MTIF3: variants seen among roughly 807,000 people sequenced by gnomAD.
MTIF3 encodes the protein translation initiation factor IF-3, mitochondrial.
Under a neutral mutation model 20.7 loss-of-function variants are expected in MTIF3, and 13 were observed. The ratio of observed to expected loss-of-function variants is 0.63; its 90% CI spans 0.41 to 1.00. The LOEUF (loss-of-function observed/expected upper bound fraction) is 1.00, where lower values mean the gene tolerates loss of function less well. MTIF3 is among the 50% of genes least tolerant of loss of function. The pLI is 0.00. For missense variants in MTIF3, 295 were observed against 324.5 expected (o/e 0.91, Z 0.70); for synonymous variants, 114 against 112.5 (o/e 1.01, Z -0.08).
intron 1 of MTIF3, among the ~76,000 whole-genome samples, chr13:27,447,809 G>A (rs772560207): frequency 3.9e-5 from 6 of 152,130 alleles, no homozygotes; most frequent in Non-Finnish European, 7.3e-5. Context: ...AGCATGTTTC[G>A]AGATTCATTC....
chr13:27,448,068 G>T (rs985878679), intron 1 of MTIF3, among the ~76,000 whole-genome samples: 9 of 130,780 alleles, frequency 6.9e-5, no homozygotes, highest in African/African-American at 2.6e-4. Flanking sequence ...CATTCTACCG[G>T]AAGTACTGAT....
intron 2 of MTIF3, among the ~76,000 whole-genome samples, chr13:27,441,928 C>CA (rs1376323369): frequency 1.3e-5 from 2 of 152,028 alleles, no homozygotes; most frequent in South Asian, 4.1e-4. Flanking sequence ...GAGTGATATG[C>CA]AAAAAAATAT....
intron 2 of MTIF3, among the ~76,000 whole-genome samples, chr13:27,444,290 G>A (rs1436851057): frequency 6.6e-6 from 1 of 151,704 alleles, no homozygotes; most frequent in Non-Finnish European, 1.5e-5. Context: ...GGGCGACAGA[G>A]CGAGACTCTG....
At chr13:27,436,788 G>GGC in intron 4 of MTIF3, among the ~76,000 whole-genome samples, 1 of 114,420 alleles carries the variant, frequency 8.7e-6, no homozygotes, top group South Asian at 2.8e-4. Context: ...GTCTTGCTCT[G>GGC]TCACCCAGGC....
In MTIF3 at chr13:27,437,218, C is replaced by T; in HGVS notation, c.516G>A (p.Leu172=). 1 of 1,613,790 alleles carries T rather than the reference C, an allele frequency of 6.2e-7. No homozygotes were observed. Among genetic ancestry groups the T allele is most frequent in the African/African-American group, 1.3e-5 (1 of 74,964 alleles). The stretch of plus-strand genomic sequence containing the variant: ...GCTGAATCTGTTTAGTCTTTGTGTC[C>T]AAATCATGTTGTCCAATATTTGAAG... ...ILSSNIGQHD[L]DTKTKQIQQW... is the part of the protein sequence containing the mutation. The change falls in exon 4 of 5, where the codon TTG becomes TTA. Residue 172 remains leucine, a synonymous_variant. Coordinates refer to ENST00000381120, the MANE Select transcript of MTIF3 (RefSeq NM_152912.5).
At position 27,437,096 on chromosome 13, in the gene MTIF3, C is replaced by T. The variant is rs1337898074; in HGVS notation, c.618+20G>A. 1 of 1,611,502 alleles carries T rather than the reference C, an allele frequency of 6.2e-7. No homozygotes were observed. The highest frequency in any genetic ancestry group is 8.5e-7 in the Non-Finnish European group (1 of 1,178,802). ...AGAAGACCCAAAGCACAAGCAGTGG[C>T]TTGTACCTTCTTTACTTACCATTTC... On this transcript the variant is annotated intron_variant, in intron 4 of 4. Transcript: ENST00000381120.
At chr13:27,443,715 T>A (rs1035611048) in intron 2 of MTIF3, among the ~76,000 whole-genome samples, 6 of 152,060 alleles carry the variant, frequency 3.9e-5, no homozygotes, top group African/African-American at 1.4e-4. Context: ...TATCAACATA[T>A]TAAAATATAA....
At chr13:27,437,364 GC>G in intron 3 of MTIF3, 91 bp from the exon 4 acceptor site, 1 of 1,160,504 alleles carries the variant, frequency 8.6e-7, no homozygotes, top group Non-Finnish European at 1.2e-6. Flanking sequence ...ATCCTAGGTT[GC>G]CACCTGACAA....
At chr13:27,442,702 C>A (rs148336544) in intron 2 of MTIF3, among the ~76,000 whole-genome samples, 1 of 152,152 alleles carries the variant, frequency 6.6e-6, no homozygotes, top group Non-Finnish European at 1.5e-5. Context: ...CCTCAGATAG[C>A]CTCATGGTTC....
At chr13:27,450,221 A>T (rs2057461) in intron 1 of MTIF3, 152,244 of 152,446 alleles carry the variant, frequency 1, 76,021 homozygotes, top group Non-Finnish European at 1. Context: ...CGCACAAACG[A>T]GGGCGCGCAT....
chr13:27,440,528 G>T, intron 2 of MTIF3, 79 bp from the exon 3 acceptor site: 1 of 1,154,308 alleles, frequency 8.7e-7, no homozygotes, highest in Non-Finnish European at 1.2e-6. Context: ...ATGGCAGGGT[G>T]TGTGTGAGGT....
chr13:27,443,848 G>A (rs1287871833), intron 2 of MTIF3, among the ~76,000 whole-genome samples: 1 of 151,822 alleles, frequency 6.6e-6, no homozygotes, highest in Non-Finnish European at 1.5e-5. Context: ...TTTCCTAATT[G>A]CCAGTATTTC....
At chr13:27,438,906 G>A (rs185933847) in intron 3 of MTIF3, among the ~76,000 whole-genome samples, 2 of 149,704 alleles carry the variant, frequency 1.3e-5, no homozygotes, top group Non-Finnish European at 3.0e-5. Flanking sequence ...TTACAAAACT[G>A]AGCCGCAGAT....
chr13:27,437,577 T>A (rs144277646), intron 3 of MTIF3, among the ~76,000 whole-genome samples: 2 of 152,358 alleles, frequency 1.3e-5, no homozygotes, highest in African/African-American at 4.8e-5. Context: ...ATGGTGCACT[T>A]AACATCCTTA....
intron 1 of MTIF3, among the ~76,000 whole-genome samples, chr13:27,446,576 G>A (rs1954187023): frequency 6.6e-6 from 1 of 152,146 alleles, no homozygotes; most frequent in Non-Finnish European, 1.5e-5. Context: ...GGGAGGAATG[G>A]TTCACTGGTA....
At chr13:27,449,058 T>G (rs981817347) in intron 1 of MTIF3, among the ~76,000 whole-genome samples, 1 of 148,422 alleles carries the variant, frequency 6.7e-6, no homozygotes, top group African/African-American at 2.6e-5. Flanking sequence ...CAAAAAAAAT[T>G]TTTTTTTAAC....
intron 3 of MTIF3, among the ~76,000 whole-genome samples, 169 bp downstream of exon 3, chr13:27,439,820 G>GT (rs1322491321): frequency 1.3e-5 from 2 of 152,354 alleles, no homozygotes; most frequent in Admixed American, 6.5e-5. Flanking sequence ...GGGAACAGGA[G>GT]TAAGTGCAGG....
intron 2 of MTIF3, among the ~76,000 whole-genome samples, chr13:27,444,453 CAA>C (rs1954108613): frequency 6.6e-6 from 1 of 152,180 alleles, no homozygotes; most frequent in African/African-American, 2.4e-5. Flanking sequence ...AATACTAACT[CAA>C]TACTGGCTTT....
chr13:27,449,601 T>C (rs910434646), intron 1 of MTIF3, among the ~76,000 whole-genome samples: 3 of 152,204 alleles, frequency 2.0e-5, no homozygotes, highest in South Asian at 2.1e-4. Context: ...CCTCCCCCAA[T>C]TTACTGAGCT....
Sources: allele counts gnomAD v4.1 joint callset (sites outside exome capture counted in the v4.1 genomes callset), GRCh38; gene constraint gnomAD v4.1.1; transcripts MANE v1.5; gene names NCBI Gene and HGNC (gene_info 2026-07-23, HGNC 2026-07-21).